PLCB4: variants seen among roughly 807,000 people sequenced by gnomAD.
PLCB4 encodes phospholipase C beta 4, also known as 1-phosphatidylinositol 4,5-bisphosphate phosphodiesterase beta-4.
Under a neutral mutation model 178.8 loss-of-function variants are expected in PLCB4, and 77 were observed. The observed-to-expected ratio is 0.43, with a 90% CI of 0.36 to 0.52. PLCB4 has a LOEUF of 0.52. Among genes scored for constraint, PLCB4 ranks in the 20% least tolerant of loss-of-function variants. The pLI is 0.00. For missense variants in PLCB4, 1,024 were observed against 1,453.4 expected, an observed-to-expected ratio of 0.70 and a Z score of 4.80; for synonymous variants, 496 against 490.8, an observed-to-expected ratio of 1.01 and a Z score of -0.14.
At chr20:9,284,933 A>C (rs1042429447) in intron 3 of PLCB4, among the ~76,000 whole-genome samples, 21 of 151,980 alleles carry the variant, frequency 1.4e-4, no homozygotes, top group Non-Finnish European at 2.8e-4. Context: ...TATAAATGAA[A>C]AAGCAGTTAT....
At chr20:9,350,987 A>C (rs1033584337) in intron 7 of PLCB4, among the ~76,000 whole-genome samples, 2 of 152,222 alleles carry the variant, frequency 1.3e-5, no homozygotes, top group African/African-American at 4.8e-5. Flanking sequence ...TATCTGTGGG[A>C]GCTATAGTCA....
At chr20:9,439,061 GA>G (rs2041952702) in intron 30 of PLCB4, among the ~76,000 whole-genome samples, 1 of 152,246 alleles carries the variant, frequency 6.6e-6, no homozygotes, top group Non-Finnish European at 1.5e-5. Flanking sequence ...GGATAGACAG[GA>G]AGAATTCTTG....
intron 3 of PLCB4, among the ~76,000 whole-genome samples, chr20:9,234,291 C>A (rs2093968436): frequency 6.6e-6 from 1 of 151,998 alleles, no homozygotes; most frequent in African/African-American, 2.4e-5. Flanking sequence ...GGCAAGTAAG[C>A]AGTTGGATAT....
intron 2 of PLCB4, among the ~76,000 whole-genome samples, chr20:9,216,318 C>T (rs932339084): frequency 4.6e-5 from 7 of 151,200 alleles, no homozygotes; most frequent in East Asian, 3.9e-4. Context: ...CCCAGGTTCA[C>T]GCCATTTTCC....
intron 3 of PLCB4, among the ~76,000 whole-genome samples, chr20:9,242,551 T>C (rs1190158661): frequency 6.6e-6 from 1 of 152,170 alleles, no homozygotes. Context: ...CTTCTTAAAT[T>C]TAGGCATTTT....
chr20:9,467,902 T>G (rs916120490), intron 35 of PLCB4, among the ~76,000 whole-genome samples: 3 of 152,166 alleles, frequency 2.0e-5, no homozygotes, highest in Non-Finnish European at 4.4e-5. Context: ...ATTTTAAGTT[T>G]TATTCCTTTA....
chr20:9,169,138 C>T (rs2093022488), intron 2 of PLCB4, among the ~76,000 whole-genome samples: 1 of 152,166 alleles, frequency 6.6e-6, no homozygotes, highest in Admixed American at 6.6e-5. Flanking sequence ...CTTGCAGGTG[C>T]TCCACTTTAG....
chr20:9,278,886 C>G (rs962648114), intron 3 of PLCB4, among the ~76,000 whole-genome samples: 2 of 152,046 alleles, frequency 1.3e-5, no homozygotes, highest in Admixed American at 1.3e-4. Context: ...TTAATAAGTA[C>G]GCATTGAGAA....
chr20:9,313,014 G>A (rs1281030516), intron 4 of PLCB4, among the ~76,000 whole-genome samples: 3 of 152,120 alleles, frequency 2.0e-5, no homozygotes, highest in Admixed American at 2.0e-4. Context: ...TTTTTCTATA[G>A]AAGTAAATCA....
chr20:9,358,525 G>A (rs1171170294), intron 7 of PLCB4, among the ~76,000 whole-genome samples: 1 of 152,210 alleles, frequency 6.6e-6, no homozygotes, highest in East Asian at 1.9e-4. Context: ...AAGATTGGAA[G>A]TAGTGCTGCC....
At chr20:9,376,332 A>G (rs902822193) in intron 12 of PLCB4, among the ~76,000 whole-genome samples, 1 of 152,142 alleles carries the variant, frequency 6.6e-6, no homozygotes, top group Non-Finnish European at 1.5e-5. Flanking sequence ...GCACCATCCT[A>G]GTGGATTACT....
At chr20:9,331,138 G>A (rs2031580742) in intron 4 of PLCB4, among the ~76,000 whole-genome samples, 1 of 152,132 alleles carries the variant, frequency 6.6e-6, no homozygotes, top group African/African-American at 2.4e-5. Context: ...CCACTACAAG[G>A]CCTGGATCTC....
intron 3 of PLCB4, among the ~76,000 whole-genome samples, chr20:9,306,303 C>T (rs1289531266): frequency 1.3e-5 from 2 of 152,056 alleles, no homozygotes; most frequent in Non-Finnish European, 1.5e-5. Flanking sequence ...GATGGGGTTT[C>T]GCCATGTTGG....
chr20:9,110,220 A>G (rs1342639055), intron 2 of PLCB4, among the ~76,000 whole-genome samples: 1 of 152,132 alleles, frequency 6.6e-6, no homozygotes, highest in Non-Finnish European at 1.5e-5. Context: ...AAAACATATA[A>G]TAAAAATTAA....
At chr20:9,192,797 TCTCAAC>T (rs2093422446) in intron 2 of PLCB4, among the ~76,000 whole-genome samples, 1 of 151,166 alleles carries the variant, frequency 6.6e-6, no homozygotes. Context: ...CAGGACCCTA[TCTCAAC>T]AAAAAAAGAA....
intron 2 of PLCB4, among the ~76,000 whole-genome samples, chr20:9,188,323 G>A (rs562505392): frequency 5.3e-5 from 8 of 152,312 alleles, no homozygotes; most frequent in African/African-American, 1.4e-4. Context: ...ATAGGCGGAT[G>A]GAACAATGGC....
intron 25 of PLCB4, among the ~76,000 whole-genome samples, chr20:9,411,310 A>T (rs2039843331): frequency 6.6e-6 from 1 of 152,224 alleles, no homozygotes. Flanking sequence ...CAAGTGAAGC[A>T]GTTCATACAT....
chr20:9,415,936 A>G (rs1427532971), intron 25 of PLCB4, among the ~76,000 whole-genome samples: 1 of 152,024 alleles, frequency 6.6e-6, no homozygotes, highest in Non-Finnish European at 1.5e-5. Context: ...ATGAGAGGCA[A>G]CCTCTGCTGC....
At chr20:9,453,295 G>T in intron 32 of PLCB4, 52 bp from the exon 33 acceptor site, 1 of 1,030,860 alleles carries the variant, frequency 9.7e-7, no homozygotes, top group Admixed American at 1.8e-5. Flanking sequence ...GCCCTATATG[G>T]TGTGAGCCAT....
Sources: gnomAD v4.1 joint callset for allele counts (sites outside exome capture counted in the v4.1 genomes callset) on GRCh38, gnomAD v4.1.1 for gene constraint, MANE v1.5 for transcripts, NCBI Gene and HGNC (gene_info 2026-07-23, HGNC 2026-07-21) for gene names.